The following SYT3 variants were observed in gnomAD, a reference collection of about 807,000 sequenced individuals.
SYT3 encodes the protein synaptotagmin 3, also known as synaptotagmin-3.
Under a neutral mutation model 50.6 loss-of-function variants are expected in SYT3, and 25 were observed. That is an observed-to-expected ratio of 0.49 (90% CI 0.36 to 0.69). The LOEUF is 0.69. SYT3 is among the 30% of genes least tolerant of loss of function. The pLI, the probability that SYT3 is intolerant of heterozygous loss-of-function variation, is 0.00. For missense variants in SYT3, 589 were observed against 793.6 expected (o/e 0.74, Z 3.10); for synonymous variants, 323 against 353.9 (o/e 0.91, Z 0.98).
At chr19:50,656,493 T>G in the SYT3 span, 2 of 1,195,622 alleles carry the variant, frequency 1.7e-6, no homozygotes, top group Non-Finnish European at 2.3e-6. Context: ...TGCTGAAAAC[T>G]GATTGTGAAT....
chr19:50,651,940 G>T, the SYT3 span, among the ~76,000 whole-genome samples: 3 of 152,086 alleles, frequency 2.0e-5, no homozygotes, highest in Admixed American at 2.0e-4. Flanking sequence ...TGCTGCTAGA[G>T]TTACTTTTTG....
chr19:50,655,329 A>G, the SYT3 span, among the ~76,000 whole-genome samples: 1 of 152,152 alleles, frequency 6.6e-6, no homozygotes, highest in Non-Finnish European at 1.5e-5. Flanking sequence ...AGTTCCAATC[A>G]GGAGACTGAT....
rs778375950 is a variant in SYT3, at chr19:50,629,923, C to A, written c.923G>T (p.Arg308Leu). The change falls in exon 5 of 11, where the codon CGG becomes CTG. Residue 308 changes from arginine to leucine, a missense_variant. By Grantham distance (102) the Arg-to-Leu change is moderately radical. Coordinates refer to ENST00000600079, the MANE Select transcript of SYT3 (RefSeq NM_001160329.2). ...APCGRISFAL[R>L]YLYGSDQLVV... ...CAGCTGGTCCGAGCCATAGAGGTAC[C>A]GCAGGGCGAAGCTGATACGGCCACA... is the stretch of plus-strand genomic sequence containing the variant. 6.2e-7 allele frequency: 1 copy of A among 1,614,060 alleles called. No individual in the cohort carries two copies. Among genetic ancestry groups the A allele is most frequent in the East Asian group, 2.2e-5 (1 of 44,860 alleles).
Position 50,637,204 on chromosome 19 carries a change from T to C in SYT3, c.148+60A>G, listed in dbSNP as rs569005875. On this transcript the variant is annotated intron_variant, in intron 3 of 10. Transcript: ENST00000600079. This position sits in a 1 kb window ranked among gnomAD's most constrained non-coding sequence, Gnocchi z 4.9. ...GCAATGGAAAGCTGAGCAGTTCTGC[T>C]CCGAGTCTCCTGGCCATAGTGCAAG... 2.5e-6 allele frequency: 4 copies of C among 1,586,144 alleles called. No homozygotes were observed. The African/African-American group carries it at 5.4e-5, about 21-fold the overall frequency.
upstream of SYT3, among the ~76,000 whole-genome samples, chr19:50,644,315 G>T (rs1984726936): frequency 6.6e-6 from 1 of 152,020 alleles, no homozygotes; most frequent in Admixed American, 6.6e-5. Flanking sequence ...TGGATAAGAT[G>T]GATGTTGGAG....
At chr19:50,627,268 G>A (rs1431821043) in intron 6 of SYT3, among the ~76,000 whole-genome samples, 1 of 152,070 alleles carries the variant, frequency 6.6e-6, no homozygotes, top group Non-Finnish European at 1.5e-5. Context: ...GCCTCCCCTC[G>A]TTCCACAAGC....
chr19:50,632,684 G>GCC lies in SYT3; in HGVS notation c.274_275dup (p.Gly93AlafsTer9). On this transcript the variant is annotated frameshift_variant, in exon 4 of 11. Coordinates refer to ENST00000600079, the MANE Select transcript of SYT3 (RefSeq NM_001160329.2). LOFTEE classifies it high-confidence loss of function. The surrounding 1 kb of genome is among the most constrained non-coding windows in gnomAD (Gnocchi z 4.7). ...CTAGGTCTTTGCGCAGGGGGCCACCGCCCACTGCCGAGCCTCCCTTGTCCC... is the reference window on the plus strand; with the variant it reads ...CTAGGTCTTTGCGCAGGGGGCCACCGCCCCCACTGCCGAGCCTCCCTTGTCCC... 1 of 1,589,360 alleles carries GCC rather than the reference G, an allele frequency of 6.3e-7. No individual in the cohort carries two copies. Among genetic ancestry groups the GCC allele is most frequent in the South Asian group, 1.1e-5 (1 of 89,612 alleles).
chr19:50,650,228 G>A, the SYT3 span, among the ~76,000 whole-genome samples: 1 of 152,052 alleles, frequency 6.6e-6, no homozygotes, highest in Non-Finnish European at 1.5e-5. Context: ...GAGGCCCTGT[G>A]TGGTCTGACC....
rs762184835 is a variant in SYT3, at chr19:50,630,193, C to T, written c.675-22G>A. ...GTACCTGTAGGGGGTTGGGGGGAGA[C>T]CAAGGTGAGGTCAGTGGCTCTGATC... On this transcript the variant is annotated intron_variant, in intron 4 of 10. Coordinates refer to ENST00000600079, the MANE Select transcript of SYT3 (RefSeq NM_001160329.2). The T allele has an allele frequency of 5.7e-5, 85 of 1,495,398 alleles. 2 individuals are homozygous for T. The South Asian group carries it at 1.1e-3, about 18-fold the overall frequency. The allele number at this position is 1,495,398 out of a possible 1,614,324, so 92.6% of individuals were successfully genotyped here.
chr19:50,631,681 TCTC>T (rs1228532769), intron 4 of SYT3, among the ~76,000 whole-genome samples: 2 of 151,836 alleles, frequency 1.3e-5, no homozygotes, highest in African/African-American at 4.8e-5. Context: ...AGCTGAGACA[TCTC>T]CACCTCCAGG....
chr19:50,656,384 G>C, the SYT3 span: 1 of 1,512,056 alleles, frequency 6.6e-7, no homozygotes, highest in Non-Finnish European at 8.8e-7. Context: ...GCACAGTTTT[G>C]GTGGGGTGAT....
chr19:50,648,394 T>C, the SYT3 span, among the ~76,000 whole-genome samples: 1 of 151,488 alleles, frequency 6.6e-6, no homozygotes, highest in African/African-American at 2.4e-5. Context: ...ACCATCTGGA[T>C]GTGGAGAAAG....
the SYT3 span, among the ~76,000 whole-genome samples, chr19:50,650,008 G>A: frequency 1.3e-5 from 2 of 151,660 alleles, no homozygotes; most frequent in African/African-American, 4.9e-5. Flanking sequence ...CTCTGTCCCC[G>A]CAGCCCTGTC....
chr19:50,652,464 G>C, the SYT3 span, among the ~76,000 whole-genome samples: 1 of 152,188 alleles, frequency 6.6e-6, no homozygotes, highest in Admixed American at 6.5e-5. Context: ...ATGAGGAATG[G>C]CATCAGTGGA....
At chr19:50,649,690 T>G in the SYT3 span, 2 of 731,704 alleles carry the variant, frequency 2.7e-6, no homozygotes, top group Non-Finnish European at 4.8e-6. Flanking sequence ...TCAAACTACA[T>G]TTCCCATGAG....
chr19:50,632,083 G>A lies in SYT3; in HGVS notation c.674+203C>T, dbSNP rs1984327192. Among the ~76,000 whole-genome samples the A allele has an allele frequency of 6.6e-6, 1 of 151,872 alleles. No homozygotes were observed. On this transcript the variant is annotated intron_variant, in intron 4 of 10. Transcript: ENST00000600079. The surrounding 1 kb of genome is among the most constrained non-coding windows in gnomAD (Gnocchi z 4.7). ...AGGCCCCCAGTCCCCTACTTCTTCTGGTCCAAGGGGTCTAGACCCCACAGC... is the reference window on the plus strand; with the variant it reads ...AGGCCCCCAGTCCCCTACTTCTTCTAGTCCAAGGGGTCTAGACCCCACAGC...
chr19:50,645,410 G>C, the SYT3 span, among the ~76,000 whole-genome samples: 2 of 152,132 alleles, frequency 1.3e-5, no homozygotes, highest in African/African-American at 4.8e-5. Context: ...GAGACATAGA[G>C]AGAAAGGGAA....
the SYT3 span, chr19:50,655,954 G>T: frequency 8.7e-7 from 1 of 1,154,318 alleles, no homozygotes; most frequent in South Asian, 1.3e-5. Context: ...AAGCTATTCT[G>T]GGTGTGGCAT....
At chr19:50,626,502 G>C (rs899442956) in intron 6 of SYT3, among the ~76,000 whole-genome samples, 4 of 139,746 alleles carry the variant, frequency 2.9e-5, no homozygotes, top group Non-Finnish European at 6.1e-5. Context: ...CCCAGAGAGA[G>C]AGGGGGGGGG....
Sources: gnomAD v4.1 joint callset for allele counts (sites outside exome capture counted in the v4.1 genomes callset) on GRCh38, gnomAD v4.1.1 for gene constraint, Gnocchi (gnomAD v3.1) non-coding constraint, MANE v1.5 for transcripts, NCBI Gene and HGNC (gene_info 2026-07-23, HGNC 2026-07-21) for gene names.